CXCL13: variants seen among roughly 807,000 people sequenced by gnomAD.
CXCL13 encodes C-X-C motif chemokine 13.
CXCL13 carries 7 observed loss-of-function variants against 12.2 expected under a neutral mutation model. The ratio of observed to expected loss-of-function variants is 0.57; its 90% CI spans 0.33 to 1.07. The LOEUF (loss-of-function observed/expected upper bound fraction) is 1.07. CXCL13 is among the 50% of genes least tolerant of loss of function. The pLI, the probability that CXCL13 is intolerant of heterozygous loss-of-function variation, is 0.04. For missense variants in CXCL13, 113 were observed against 127.4 expected, an observed-to-expected ratio of 0.89 and a Z score of 0.55; for synonymous variants, 47 against 42.4, an observed-to-expected ratio of 1.11 and a Z score of -0.42.
At chr4:77,572,269 C>T (rs1039221889) in intron 1 of CXCL13, among the ~76,000 whole-genome samples, 1 of 151,764 alleles carries the variant, frequency 6.6e-6, no homozygotes, top group South Asian at 2.1e-4. Flanking sequence ...GGAGTGGTGG[C>T]ACATGCCTGT....
In CXCL13 at chr4:77,610,150, C is replaced by T. The variant is rs139438330; in HGVS notation, c.198-464C>T. On this transcript the variant is annotated intron_variant, in intron 2 of 3. Coordinates refer to ENST00000682537, the MANE Select transcript of CXCL13 (RefSeq NM_001371558.1). ...TCCAAGCAATCTGCTCTGCAGCATG[C>T]GTCTCATGTGAAATTGCACTGAATT... Among the ~76,000 whole-genome samples, 162 of 151,848 alleles carry T rather than the reference C, an allele frequency of 1.1e-3. 5 individuals are homozygous for T. In the East Asian group the frequency reaches 0.024, roughly 22 times the overall value.
At chr4:77,528,197 G>GACAT (rs1014649731) in intron 1 of CXCL13, among the ~76,000 whole-genome samples, 1 of 152,120 alleles carries the variant, frequency 6.6e-6, no homozygotes, top group Non-Finnish European at 1.5e-5. Context: ...CATTTGGTTT[G>GACAT]TTCCAAGTCT....
chr4:77,607,594 T>C, intron 1 of CXCL13, 109 bp from the exon 2 acceptor site: 1 of 1,052,366 alleles, frequency 9.5e-7, no homozygotes, highest in Non-Finnish European at 1.4e-6. Flanking sequence ...AAGCACTGAC[T>C]TGAAACTTTT....
chr4:77,580,723 C>A (rs1485802879), intron 1 of CXCL13, among the ~76,000 whole-genome samples: 4 of 95,768 alleles, frequency 4.2e-5, no homozygotes, highest in Non-Finnish European at 2.1e-5. Flanking sequence ...CCCCTCCCCT[C>A]CCCTCCCCCT....
intron 1 of CXCL13, among the ~76,000 whole-genome samples, chr4:77,573,380 G>C (rs969616042): frequency 6.7e-6 from 1 of 149,354 alleles, no homozygotes; most frequent in Non-Finnish European, 1.5e-5. Context: ...GTGTGTGTGT[G>C]TGTGTGTGTG....
intron 1 of CXCL13, among the ~76,000 whole-genome samples, chr4:77,529,779 C>T (rs1032576602): frequency 2.6e-5 from 4 of 152,178 alleles, no homozygotes; most frequent in African/African-American, 9.7e-5. Context: ...CCTTCTCCTG[C>T]CTGATTGCCC....
chr4:77,541,955 G>T (rs1472467480), intron 1 of CXCL13, among the ~76,000 whole-genome samples: 3 of 151,620 alleles, frequency 2.0e-5, no homozygotes, highest in Non-Finnish European at 4.4e-5. Context: ...TTCCTAGGTG[G>T]GTTTTTTTGT....
chr4:77,579,143 G>C (rs1172656436), intron 1 of CXCL13, among the ~76,000 whole-genome samples: 2 of 152,258 alleles, frequency 1.3e-5, no homozygotes, highest in Non-Finnish European at 2.9e-5. Context: ...GCCATCAGCT[G>C]TGGATGGTCT....
Position 77,560,255 on chromosome 4 carries a change from G to A in CXCL13, c.-42-45569G>A, listed in dbSNP as rs559084512. ...TAGTAAGAAAATAGAGATTGAGGTT[G>A]AATTGTGTTTCCAAGTCACGCTACT... On this transcript the variant is annotated intron_variant, in intron 1 of 4. Coordinates refer to the CXCL13 transcript ENST00000286758. Among the ~76,000 whole-genome samples, 20 of 152,258 alleles carry A rather than the reference G, an allele frequency of 1.3e-4. No individual in the cohort carries two copies. In the South Asian group the frequency reaches 4.2e-3, roughly 32 times the overall value.
At chr4:77,569,331 G>C (rs189585) in intron 1 of CXCL13, among the ~76,000 whole-genome samples, 54,472 of 152,028 alleles carry the variant, frequency 0.36, 10,585 homozygotes, top group South Asian at 0.46. Flanking sequence ...AACTATCCCT[G>C]TTTGCAGATG....
intron 1 of CXCL13, among the ~76,000 whole-genome samples, chr4:77,516,595 A>G (rs1028251920): frequency 6.6e-6 from 1 of 152,168 alleles, no homozygotes; most frequent in Non-Finnish European, 1.5e-5. Context: ...TTATTTGCAT[A>G]GAGGTGTTTG....
At chr4:77,566,656 C>T (rs1725930110) in intron 1 of CXCL13, among the ~76,000 whole-genome samples, 2 of 152,040 alleles carry the variant, frequency 1.3e-5, no homozygotes, top group South Asian at 2.1e-4. Context: ...CTTAGTAAGA[C>T]ATAAAATACT....
intron 1 of CXCL13, among the ~76,000 whole-genome samples, chr4:77,564,311 C>T (rs1294424357): frequency 2.0e-5 from 3 of 152,156 alleles, no homozygotes; most frequent in East Asian, 1.9e-4. Flanking sequence ...GGTATCAGGA[C>T]GTTCTGTACT....
chr4:77,551,142 A>G (rs1725506158), intron 1 of CXCL13, among the ~76,000 whole-genome samples: 1 of 152,192 alleles, frequency 6.6e-6, no homozygotes, highest in Non-Finnish European at 1.5e-5. Flanking sequence ...TAACATTGAT[A>G]TGTGAAGTTT....
At chr4:77,519,788 C>G (rs1578032991) in intron 1 of CXCL13, among the ~76,000 whole-genome samples, 1 of 152,138 alleles carries the variant, frequency 6.6e-6, no homozygotes, top group South Asian at 2.1e-4. Flanking sequence ...AAGTCCTTGC[C>G]CATGCCTATG....
At chr4:77,517,660 G>T (rs1724462612) in intron 1 of CXCL13, among the ~76,000 whole-genome samples, 1 of 152,046 alleles carries the variant, frequency 6.6e-6, no homozygotes, top group Non-Finnish European at 1.5e-5. Flanking sequence ...CATTTGCTTG[G>T]TAGATCTTCC....
intron 1 of CXCL13, among the ~76,000 whole-genome samples, chr4:77,530,765 T>C (rs1210811561): frequency 1.3e-5 from 2 of 152,184 alleles, no homozygotes; most frequent in Middle Eastern, 3.2e-3. Flanking sequence ...TTTTTGTGTC[T>C]CTATTTCCTT....
At chr4:77,584,663 G>C (rs1275824411) in intron 1 of CXCL13, among the ~76,000 whole-genome samples, 1 of 152,196 alleles carries the variant, frequency 6.6e-6, no homozygotes, top group Non-Finnish European at 1.5e-5. Flanking sequence ...GCTGAGTTGG[G>C]AGAAGGAGCA....
chr4:77,585,007 A>T (rs1017321814), intron 1 of CXCL13, among the ~76,000 whole-genome samples: 7 of 152,184 alleles, frequency 4.6e-5, no homozygotes, highest in African/African-American at 1.7e-4. Flanking sequence ...CTTCAAATGA[A>T]GTGTGCTCAT....
Sources: allele counts gnomAD v4.1 joint callset (sites outside exome capture counted in the v4.1 genomes callset), GRCh38; gene constraint gnomAD v4.1.1; transcripts MANE v1.5; gene names NCBI Gene and HGNC (gene_info 2026-07-23, HGNC 2026-07-21).